The following TCF7L1 variants were observed in gnomAD, a reference collection of about 807,000 sequenced individuals.
The protein encoded by TCF7L1 is transcription factor 7 like 1.
Under a neutral mutation model 63.7 loss-of-function variants are expected in TCF7L1, and 18 were observed. The ratio of observed to expected loss-of-function variants is 0.28; its 90% confidence interval spans 0.20 to 0.42. The LOEUF (loss-of-function observed/expected upper bound fraction) is 0.42, where lower values mean the gene tolerates loss of function less well. Among genes scored for constraint, TCF7L1 ranks in the 10% least tolerant of loss-of-function variants. The pLI is 1.00. For missense variants in TCF7L1, 654 were observed against 779.3 expected (o/e 0.84, Z 1.91); for synonymous variants, 355 against 340.9 (o/e 1.04, Z -0.46).
chr2:85,142,241 A>G (rs1387363282), intron 3 of TCF7L1, among the ~76,000 whole-genome samples: 1 of 152,078 alleles, frequency 6.6e-6, no homozygotes. Context: ...AGCCTGGGCA[A>G]TATGGCGAAA....
rs374710127 is a variant in TCF7L1 at position 85,174,625 on chromosome 2, T to C, written c.441+40175T>C. Among the ~76,000 whole-genome samples the C allele has an allele frequency of 1.1e-4, 16 of 152,340 alleles. No individual in the cohort carries two copies. In the East Asian group the frequency reaches 3.1e-3, roughly 29 times the overall value. On this transcript the variant is annotated intron_variant, in intron 3 of 11. Transcript: ENST00000282111. ...GGTGTGCAGTGTGTAAGATGGTCAG[T>C]GTTCCTGTGTTTTGACTGGTGAGTC...
intron 3 of TCF7L1, among the ~76,000 whole-genome samples, chr2:85,187,966 A>G (rs1415397767): frequency 6.6e-6 from 1 of 152,234 alleles, no homozygotes; most frequent in East Asian, 1.9e-4. Flanking sequence ...AGAAAAAATT[A>G]TTGATCACAT....
chr2:85,243,930 A>C (rs1311353473), intron 3 of TCF7L1, among the ~76,000 whole-genome samples: 1 of 152,210 alleles, frequency 6.6e-6, no homozygotes, highest in Non-Finnish European at 1.5e-5. Flanking sequence ...GCCACAGGGA[A>C]AGAACGAACA....
At chr2:85,190,829 A>AT (rs1284316885) in intron 3 of TCF7L1, among the ~76,000 whole-genome samples, 1 of 152,160 alleles carries the variant, frequency 6.6e-6, no homozygotes, top group African/African-American at 2.4e-5. Flanking sequence ...TGCTGCAGGC[A>AT]TTTTAAGGTA....
At chr2:85,302,228 G>A (rs1336751165) in intron 4 of TCF7L1, among the ~76,000 whole-genome samples, 4 of 152,078 alleles carry the variant, frequency 2.6e-5, no homozygotes, top group African/African-American at 9.7e-5. Flanking sequence ...ATGACACAGC[G>A]CAGATCATTC....
chr2:85,270,804 C>T (rs1195558353), intron 3 of TCF7L1, among the ~76,000 whole-genome samples: 1 of 152,098 alleles, frequency 6.6e-6, no homozygotes, highest in Non-Finnish European at 1.5e-5. Context: ...ATCCTCCCAG[C>T]TCAGCCTCTC....
chr2:85,221,477 G>A (rs900108238), intron 3 of TCF7L1, among the ~76,000 whole-genome samples: 17 of 152,226 alleles, frequency 1.1e-4, no homozygotes, highest in Admixed American at 5.9e-4. Flanking sequence ...TAAGGAGGCT[G>A]GGAAGTCCAA....
At chr2:85,307,493 G>T in intron 10 of TCF7L1, 149 bp from the exon 11 acceptor site, 1 of 625,364 alleles carries the variant, frequency 1.6e-6, no homozygotes, top group Non-Finnish European at 2.8e-6. Flanking sequence ...GGGCTCCCAC[G>T]GCTGTGATCT....
chr2:85,183,096 G>A (rs1678842440), intron 3 of TCF7L1, among the ~76,000 whole-genome samples: 1 of 152,168 alleles, frequency 6.6e-6, no homozygotes, highest in Non-Finnish European at 1.5e-5. Context: ...TAGTCCTTTT[G>A]TGCACCCAGG....
chr2:85,220,394 G>A (rs1679815549), intron 3 of TCF7L1, among the ~76,000 whole-genome samples: 1 of 151,566 alleles, frequency 6.6e-6, no homozygotes, highest in Admixed American at 6.6e-5. Context: ...TTTTTGAGAT[G>A]GAGTCTCACT....
chr2:85,276,579 C>T (rs1681276452), intron 3 of TCF7L1, among the ~76,000 whole-genome samples: 1 of 150,874 alleles, frequency 6.6e-6, no homozygotes, highest in East Asian at 2.0e-4. Context: ...TCGTTTCTTT[C>T]CTGGACTACG....
chr2:85,147,985 C>G (rs902450735), intron 3 of TCF7L1, among the ~76,000 whole-genome samples: 4 of 152,042 alleles, frequency 2.6e-5, no homozygotes, highest in African/African-American at 9.7e-5. Context: ...AAACTATGTT[C>G]TGGGTGGGAT....
At chr2:85,219,054 G>A (rs1369808982) in intron 3 of TCF7L1, among the ~76,000 whole-genome samples, 3 of 152,140 alleles carry the variant, frequency 2.0e-5, no homozygotes, top group African/African-American at 7.2e-5. Context: ...TCAGGAGGCT[G>A]AGGTGAGAGG....
At chr2:85,173,025 G>A (rs552447425) in intron 3 of TCF7L1, among the ~76,000 whole-genome samples, 2 of 152,320 alleles carry the variant, frequency 1.3e-5, no homozygotes, top group African/African-American at 2.4e-5. Context: ...CCCAAGAAAC[G>A]TTTCTAAAAG....
intron 4 of TCF7L1, among the ~76,000 whole-genome samples, chr2:85,293,267 G>A (rs986736765): frequency 1.1e-4 from 16 of 152,162 alleles, no homozygotes; most frequent in African/African-American, 3.6e-4. Context: ...ACTGAATCAC[G>A]GGAGTGGTCC....
rs544992325 is a variant in TCF7L1 at position 85,168,134 on chromosome 2, G to C, written c.441+33684G>C. On this transcript the variant is annotated intron_variant, in intron 3 of 11. Transcript: ENST00000282111. ...TGTACAACATAGTGCCCATGGTTTA[G>C]AGTTGGGCACTTACAACTTTATTAA... is the stretch of plus-strand genomic sequence containing the variant. Among the ~76,000 whole-genome samples, 45 of 151,940 alleles carry C rather than the reference G, an allele frequency of 3.0e-4. No homozygotes were observed. In the South Asian group the frequency reaches 9.4e-3, roughly 32 times the overall value.
At chr2:85,201,674 G>A (rs763445087) in intron 3 of TCF7L1, among the ~76,000 whole-genome samples, 34 of 152,192 alleles carry the variant, frequency 2.2e-4, no homozygotes, top group Non-Finnish European at 3.7e-4. Flanking sequence ...TTGAGGAGCC[G>A]CCAGCCTGTT....
chr2:85,133,979 C>A lies in TCF7L1; in HGVS notation c.250-37C>A, dbSNP rs747268315. The A allele has an allele frequency of 6.3e-7, 1 of 1,594,752 alleles. No homozygotes were observed. The highest frequency in any genetic ancestry group is 8.6e-7 in the Non-Finnish European group (1 of 1,169,282). On this transcript the variant is annotated intron_variant, in intron 1 of 11. Transcript: ENST00000282111. This position sits in a 1 kb window ranked among gnomAD's most constrained non-coding sequence, Gnocchi z 4.4. ...CCCCCGGGGGATCCCGGCCCTGCGT[C>A]CGCTCACCCGCTCTTGCCTTTGTGT...
intron 3 of TCF7L1, among the ~76,000 whole-genome samples, chr2:85,241,327 G>T (rs1680320644): frequency 6.6e-6 from 1 of 151,514 alleles, no homozygotes; most frequent in South Asian, 2.1e-4. Flanking sequence ...GTGGTGCACA[G>T]TAGAAGTTTG....
Sources: allele counts gnomAD v4.1 joint callset (sites outside exome capture counted in the v4.1 genomes callset), GRCh38; gene constraint gnomAD v4.1.1; non-coding constraint Gnocchi (gnomAD v3.1); transcripts MANE v1.5; gene names NCBI Gene and HGNC (gene_info 2026-07-23, HGNC 2026-07-21).